FAM13C: variants seen among roughly 807,000 people sequenced by gnomAD.
The protein encoded by FAM13C is family with sequence similarity 13 member C, also known as protein FAM13C.
In FAM13C, 37 loss-of-function variants were observed where a neutral mutation model predicts 73.2. The observed-to-expected ratio is 0.51, with a 90% CI of 0.39 to 0.67. The LOEUF (loss-of-function observed/expected upper bound fraction) is 0.67. Ranked by LOEUF, FAM13C falls within the 30% of genes least tolerant of loss-of-function variation. The pLI, the probability that FAM13C is intolerant of heterozygous loss-of-function variation, is 0.00. For missense variants in FAM13C, 589 were observed against 715.6 expected, an observed-to-expected ratio of 0.82 and a Z score of 2.02; for synonymous variants, 246 against 260.9, an observed-to-expected ratio of 0.94 and a Z score of 0.55.
At position 59,289,160 on chromosome 10, in the gene FAM13C, G is replaced by A. The variant is rs568102807; in HGVS notation, c.508-5713C>T. 5.9e-5 allele frequency among the ~76,000 whole-genome samples: 9 copies of A among 152,302 alleles called. No homozygotes were observed. In the East Asian group the frequency reaches 1.2e-3, roughly 20 times the overall value. On this transcript the variant is annotated intron_variant, in intron 5 of 13. Coordinates refer to ENST00000618804, the MANE Select transcript of FAM13C (RefSeq NM_198215.4). ...AAGGAGCACGCAACATAGATTCCTC[G>A]CATGCGCAGTTCACAATAGGGTGCA... is the stretch of plus-strand genomic sequence containing the variant.
chr10:59,319,649 CA>C (rs1402777023), intron 4 of FAM13C, among the ~76,000 whole-genome samples: 1 of 152,158 alleles, frequency 6.6e-6, no homozygotes, highest in African/African-American at 2.4e-5. Context: ...GTGGCAACTC[CA>C]TACAGATTGA....
chr10:59,321,197 A>C (rs1306238293), intron 4 of FAM13C, among the ~76,000 whole-genome samples: 1 of 152,062 alleles, frequency 6.6e-6, no homozygotes, highest in Non-Finnish European at 1.5e-5. Context: ...AAATTATCTG[A>C]GTGAGCCCAA....
chr10:59,315,530 T>G (rs1849431430), intron 4 of FAM13C, among the ~76,000 whole-genome samples: 1 of 152,150 alleles, frequency 6.6e-6, no homozygotes, highest in African/African-American at 2.4e-5. Flanking sequence ...TTGTGATTAT[T>G]ACAGAAGCTG....
At chr10:59,247,975 TAGTGCTTAG>T (rs1840885718) in intron 13 of FAM13C, among the ~76,000 whole-genome samples, 1 of 152,102 alleles carries the variant, frequency 6.6e-6, no homozygotes, top group Non-Finnish European at 1.5e-5. Flanking sequence ...ATATGTGGTC[TAGTGCTTAG>T]ACTTACAACA....
At chr10:59,309,450 C>A (rs1296510090) in intron 4 of FAM13C, among the ~76,000 whole-genome samples, 2 of 152,186 alleles carry the variant, frequency 1.3e-5, no homozygotes. Context: ...TGTGCCCACT[C>A]CTCAACCTTA....
chr10:59,324,091 C>A lies in FAM13C; in HGVS notation c.340G>T (p.Val114Leu). The A allele has an allele frequency of 6.2e-7, 1 of 1,613,532 alleles. No individual in the cohort carries two copies. Among genetic ancestry groups the A allele is most frequent in the South Asian group, 1.1e-5 (1 of 91,020 alleles). Residue 114 changes from valine (V) to leucine (L), a missense_variant, in exon 4 of 14, where the codon GTA becomes TTA. Physicochemically the swap from Val to Leu is conservative, Grantham distance 32. Coordinates refer to ENST00000618804, the MANE Select transcript of FAM13C (RefSeq NM_198215.4). Reference sequence around the variant, plus strand: ...ACCTGACACTCTGACTGGCTGGATACCACATGCTCTGTCTCCTGCAAGAAG... The same window carrying A: ...ACCTGACACTCTGACTGGCTGGATAACACATGCTCTGTCTCCTGCAAGAAG... ...HGESQETEHV[V>L]SSQSECQVRA...
At chr10:59,322,277 G>A (rs1381267991) in intron 4 of FAM13C, among the ~76,000 whole-genome samples, 2 of 152,154 alleles carry the variant, frequency 1.3e-5, no homozygotes, top group Non-Finnish European at 2.9e-5. Flanking sequence ...TAGTTTAAAG[G>A]TTACTTAACT....
At chr10:59,323,924 G>T in intron 4 of FAM13C, 64 bp downstream of exon 4, 1 of 1,213,288 alleles carries the variant, frequency 8.2e-7, no homozygotes, top group Non-Finnish European at 1.2e-6. Flanking sequence ...GGAGTGGCAA[G>T]CACACAGCAT....
At chr10:59,275,115 G>A (rs1589422063) in intron 6 of FAM13C, among the ~76,000 whole-genome samples, 1 of 152,316 alleles carries the variant, frequency 6.6e-6, no homozygotes, top group East Asian at 1.9e-4. Context: ...ATGAGCAGAA[G>A]CACTATGGGG....
At chr10:59,259,482 A>G (rs1382863174) in intron 10 of FAM13C, among the ~76,000 whole-genome samples, 1 of 152,116 alleles carries the variant, frequency 6.6e-6, no homozygotes, top group East Asian at 1.9e-4. Flanking sequence ...TGGGAATACA[A>G]AGTTTTCTCT....
Position 59,312,520 on chromosome 10 carries a change from G to A in FAM13C, c.444-9656C>T, listed in dbSNP as rs74434957. Reference sequence around the variant, plus strand: ...GTGTACAACACACAGTACCCAGAGTGATCGTTTAATGTCAATCTGAGTCTG... The same window carrying A: ...GTGTACAACACACAGTACCCAGAGTAATCGTTTAATGTCAATCTGAGTCTG... On this transcript the variant is annotated intron_variant, in intron 4 of 13. Transcript: ENST00000618804. Among the ~76,000 whole-genome samples the A allele has an allele frequency of 1.0e-3, 157 of 152,246 alleles. 3 individuals carry two copies. The East Asian group carries it at 0.025, about 25-fold the overall frequency.
intron 3 of FAM13C, among the ~76,000 whole-genome samples, chr10:59,330,154 A>T (rs1042259748): frequency 1.3e-5 from 2 of 152,214 alleles, no homozygotes; most frequent in African/African-American, 4.8e-5. Context: ...AATTGCATTA[A>T]TTCGAGTTGT....
At chr10:59,341,112 C>T (rs638245) in intron 3 of FAM13C, among the ~76,000 whole-genome samples, 37,360 of 151,868 alleles carry the variant, frequency 0.25, 4,832 homozygotes, top group African/African-American at 0.3. Context: ...TCTGGTAGGT[C>T]GCACCTTTAG....
intron 6 of FAM13C, among the ~76,000 whole-genome samples, chr10:59,270,890 C>T (rs74793415): frequency 0.019 from 2,955 of 152,240 alleles, 78 homozygotes; most frequent in African/African-American, 0.068. Context: ...ACCCTCTCCC[C>T]GGCTAGCCAT....
chr10:59,263,343 G>A (rs1008988077), intron 9 of FAM13C, among the ~76,000 whole-genome samples: 1 of 152,070 alleles, frequency 6.6e-6, no homozygotes, highest in African/African-American at 2.4e-5. Context: ...TTTGTTTGAT[G>A]TTTGTTTCCT....
At chr10:59,279,953 G>C (rs1014831503) in intron 6 of FAM13C, among the ~76,000 whole-genome samples, 3 of 152,148 alleles carry the variant, frequency 2.0e-5, no homozygotes, top group African/African-American at 7.2e-5. Flanking sequence ...CTTGCAGAGG[G>C]CTGACTTCTT....
chr10:59,335,149 C>T (rs1022029065), intron 3 of FAM13C, among the ~76,000 whole-genome samples: 1 of 152,182 alleles, frequency 6.6e-6, no homozygotes, highest in Non-Finnish European at 1.5e-5. Flanking sequence ...GTCATTAGGG[C>T]TGTTTATTGC....
chr10:59,303,019 C>T (rs1284904528), intron 4 of FAM13C, among the ~76,000 whole-genome samples, 155 bp from the exon 5 acceptor site: 2 of 152,140 alleles, frequency 1.3e-5, no homozygotes, highest in Admixed American at 1.3e-4. Flanking sequence ...CTTACAATGG[C>T]CTGCAGCACA....
intron 8 of FAM13C, 142 bp downstream of exon 8, chr10:59,268,411 C>T (rs897361135): frequency 3.1e-6 from 3 of 979,226 alleles, no homozygotes; most frequent in Admixed American, 4.9e-5. Context: ...AAGATGAAGA[C>T]TCTATGATAG....
Sources: allele counts gnomAD v4.1 joint callset (sites outside exome capture counted in the v4.1 genomes callset), GRCh38; gene constraint gnomAD v4.1.1; transcripts MANE v1.5; gene names NCBI Gene and HGNC (gene_info 2026-07-23, HGNC 2026-07-21).